Variants in CHN2 observed in about 807,000 individuals in gnomAD.
CHN2 encodes the protein chimerin 2.
Under a neutral mutation model 56.3 loss-of-function variants are expected in CHN2, and 35 were observed. The ratio of observed to expected loss-of-function variants is 0.62; its 90% CI spans 0.47 to 0.82. The LOEUF (loss-of-function observed/expected upper bound fraction) is 0.82. Among genes scored for constraint, CHN2 ranks in the 40% least tolerant of loss-of-function variants. The pLI, the probability that CHN2 is intolerant of heterozygous loss-of-function variation, is 0.00. For missense variants in CHN2, 491 were observed against 580.5 expected (o/e 0.85, Z 1.58); for synonymous variants, 210 against 212.8 (o/e 0.99, Z 0.12).
chr7:29,159,301 T>C (rs1394229187), intron 2 of CHN2, among the ~76,000 whole-genome samples: 1 of 152,156 alleles, frequency 6.6e-6, no homozygotes, highest in Non-Finnish European at 1.5e-5. Flanking sequence ...TATCCACAGC[T>C]GGTTAGAAGC....
chr7:29,436,188 G>A lies in CHN2; in HGVS notation c.576+35360G>A, dbSNP rs1017905000. Among the ~76,000 whole-genome samples the A allele has an allele frequency of 3.3e-5, 5 of 151,936 alleles. No individual in the cohort carries two copies. In the South Asian group the frequency reaches 1.0e-3, roughly 32 times the overall value. ...TCTCCTGAAAGGGCATATTCTGATT[G>A]GGGACTGGGCTGGGGTTCAAGATTC... On this transcript the variant is annotated intron_variant, in intron 6 of 12. Coordinates refer to ENST00000222792, the MANE Select transcript of CHN2 (RefSeq NM_004067.4).
At chr7:29,282,086 T>C (rs907858268) in intron 1 of CHN2, among the ~76,000 whole-genome samples, 1 of 152,226 alleles carries the variant, frequency 6.6e-6, no homozygotes, top group Non-Finnish European at 1.5e-5. Flanking sequence ...GCAGTGAAGA[T>C]GTAGCTGATA....
chr7:29,467,404 G>C (rs1785631932), intron 6 of CHN2, among the ~76,000 whole-genome samples: 1 of 152,158 alleles, frequency 6.6e-6, no homozygotes, highest in Admixed American at 6.5e-5. Context: ...GGAGAGCATG[G>C]ATATGGATCA....
rs566293918 is a variant in CHN2 at position 29,310,259 on chromosome 7, A to G, written c.50-44366A>G. On this transcript the variant is annotated intron_variant, in intron 1 of 12. Coordinates refer to ENST00000222792, the MANE Select transcript of CHN2 (RefSeq NM_004067.4). ...ATAAGGGAGGAGATAAAAATAAATT[A>G]TGATACATCCATAGAGTGGAATACT... 2.0e-5 allele frequency among the ~76,000 whole-genome samples: 3 copies of G among 152,352 alleles called. No homozygotes were observed. The East Asian group carries it at 5.8e-4, about 29-fold the overall frequency.
intron 1 of CHN2, 70 bp downstream of exon 1, chr7:29,195,060 G>C: frequency 6.7e-7 from 1 of 1,498,882 alleles, no homozygotes; most frequent in Non-Finnish European, 9.0e-7. Flanking sequence ...CCGCAGCCTG[G>C]GATGGACAGA....
intron 7 of CHN2, among the ~76,000 whole-genome samples, chr7:29,487,203 TTTG>T (rs1788115515): frequency 9.4e-6 from 1 of 105,910 alleles, no homozygotes; most frequent in Admixed American, 8.5e-5. Context: ...GGGGGCTTGT[TTTG>T]TTTTTTTTTT....
intron 1 of CHN2, among the ~76,000 whole-genome samples, chr7:29,270,931 T>C (rs1790585456): frequency 6.6e-6 from 1 of 152,174 alleles, no homozygotes; most frequent in Non-Finnish European, 1.5e-5. Flanking sequence ...ATATTTTCCA[T>C]GCAGATAATC....
chr7:29,235,609 C>T (rs1787127005), intron 1 of CHN2, among the ~76,000 whole-genome samples: 1 of 152,194 alleles, frequency 6.6e-6, no homozygotes, highest in South Asian at 2.1e-4. Context: ...CAGCACTATT[C>T]ACAATAGCAA....
intron 1 of CHN2, among the ~76,000 whole-genome samples, chr7:29,230,344 C>T (rs1328431354): frequency 6.6e-6 from 1 of 152,076 alleles, no homozygotes; most frequent in Admixed American, 6.6e-5. Context: ...AACCCAATTC[C>T]TCTTTCTTTT....
chr7:29,263,408 C>G (rs1482851216), intron 1 of CHN2, among the ~76,000 whole-genome samples: 2 of 152,204 alleles, frequency 1.3e-5, no homozygotes, highest in African/African-American at 2.4e-5. Flanking sequence ...CCTGCCTTGG[C>G]CTCCCAAGGT....
At chr7:29,201,652 G>T (rs917753505) in intron 1 of CHN2, among the ~76,000 whole-genome samples, 1 of 152,116 alleles carries the variant, frequency 6.6e-6, no homozygotes, top group Non-Finnish European at 1.5e-5. Flanking sequence ...AAAATATTCA[G>T]TTCCTCAGTT....
intron 2 of CHN2, among the ~76,000 whole-genome samples, chr7:29,355,008 G>A (rs1394778685): frequency 2.0e-5 from 3 of 149,068 alleles, no homozygotes; most frequent in African/African-American, 7.4e-5. Context: ...CACTCTTGTT[G>A]CCCAGGCTGG....
intron 1 of CHN2, chr7:29,212,362 A>T: frequency 6.4e-7 from 1 of 1,565,742 alleles, no homozygotes; most frequent in Non-Finnish European, 8.8e-7. Context: ...GACTGTAAAG[A>T]ATCTTAACCT....
chr7:29,178,382 C>T (rs536234744), intron 2 of CHN2, among the ~76,000 whole-genome samples: 39 of 152,286 alleles, frequency 2.6e-4, no homozygotes, highest in African/African-American at 8.7e-4. Flanking sequence ...TGGTCTTCCT[C>T]TGCGTGCGGT....
chr7:29,257,722 T>C (rs939093280), intron 1 of CHN2, among the ~76,000 whole-genome samples: 1 of 152,222 alleles, frequency 6.6e-6, no homozygotes, highest in Non-Finnish European at 1.5e-5. Flanking sequence ...GGCGATATCC[T>C]GCTCTCCCTA....
intron 1 of CHN2, among the ~76,000 whole-genome samples, chr7:29,232,190 C>T (rs544048999): frequency 6.6e-6 from 1 of 152,212 alleles, no homozygotes; most frequent in African/African-American, 2.4e-5. Flanking sequence ...CATTAGGAGA[C>T]AATAGATTCA....
intron 1 of CHN2, among the ~76,000 whole-genome samples, chr7:29,330,169 C>T (rs1796114040): frequency 6.6e-6 from 1 of 152,178 alleles, no homozygotes; most frequent in Non-Finnish European, 1.5e-5. Context: ...ATGTGTTCCA[C>T]CTCAGTGTAT....
Position 29,255,901 on chromosome 7 carries a change from C to A in CHN2, c.49+60911C>A, listed in dbSNP as rs993441274. 2.5e-4 allele frequency among the ~76,000 whole-genome samples: 38 copies of A among 152,328 alleles called. 1 individual carries two copies. In the South Asian group the frequency reaches 7.7e-3, roughly 31 times the overall value. Reference sequence around the variant, plus strand: ...GTATGCAAAAACCATTATCTAGAAACTGATTCAGTTTAATGCTATTAAATG... The same window carrying A: ...GTATGCAAAAACCATTATCTAGAAAATGATTCAGTTTAATGCTATTAAATG... On this transcript the variant is annotated intron_variant, in intron 1 of 12. Transcript: ENST00000222792.
At position 29,426,619 on chromosome 7, in the gene CHN2, T is replaced by G. The variant is rs894500391; in HGVS notation, c.576+25791T>G. On this transcript the variant is annotated intron_variant, in intron 6 of 12. Transcript: ENST00000222792. ...AGTTTTCTATTGCTGTGTAACAAAT[T>G]ACCATAAACTTAACAGGTTAAAACA... Among the ~76,000 whole-genome samples, 8 of 152,308 alleles carry G rather than the reference T, an allele frequency of 5.3e-5. No individual in the cohort carries two copies. In the East Asian group the frequency reaches 1.4e-3, roughly 26 times the overall value.
Sources: allele counts gnomAD v4.1 joint callset (sites outside exome capture counted in the v4.1 genomes callset), GRCh38; gene constraint gnomAD v4.1.1; transcripts MANE v1.5; gene names NCBI Gene and HGNC (gene_info 2026-07-23, HGNC 2026-07-21).